The following SERGEF variants were observed in gnomAD, a reference collection of about 807,000 sequenced individuals.
SERGEF encodes the protein secretion-regulating guanine nucleotide exchange factor.
In SERGEF, 51 loss-of-function variants were observed where a neutral mutation model predicts 50.0. The ratio of observed to expected loss-of-function variants is 1.02; its 90% confidence interval spans 0.81 to 1.29. SERGEF has a LOEUF of 1.29. SERGEF is among the 50% of genes most tolerant of loss of function. The pLI is 0.00. For synonymous variants in SERGEF, 205 were observed against 212.4 expected (o/e 0.97, Z 0.30); for missense variants, 521 against 557.0 (o/e 0.94, Z 0.65).
intron 9 of SERGEF, among the ~76,000 whole-genome samples, chr11:17,900,394 A>G (rs1451281400): frequency 1.3e-5 from 2 of 152,236 alleles, no homozygotes; most frequent in Non-Finnish European, 2.9e-5. Context: ...CCCACAAAAC[A>G]TCAATCTCGG....
chr11:17,950,247 C>G (rs149572598), intron 9 of SERGEF, among the ~76,000 whole-genome samples: 2 of 152,212 alleles, frequency 1.3e-5, no homozygotes, highest in African/African-American at 4.8e-5. Flanking sequence ...TGAACAAGGC[C>G]AACAACAGTC....
chr11:18,001,485 G>A (rs999838783), intron 4 of SERGEF, among the ~76,000 whole-genome samples: 5 of 152,174 alleles, frequency 3.3e-5, no homozygotes, highest in African/African-American at 4.8e-5. Context: ...GGTCCACATG[G>A]CAAGGAACAT....
In SERGEF at chr11:17,788,062, G is replaced by T. The variant is rs1849416189; in HGVS notation, c.*23C>A. 6.7e-7 allele frequency: 1 copy of T among 1,496,198 alleles called. No homozygotes were observed. The highest frequency in any genetic ancestry group is 8.9e-7 in the Non-Finnish European group (1 of 1,117,996). 92.7% of individuals were successfully genotyped at this position (1,496,198 alleles called of 1,614,324 possible). On this transcript the variant is annotated 3_prime_UTR_variant, in exon 11 of 11. Coordinates refer to ENST00000265965, the MANE Select transcript of SERGEF (RefSeq NM_012139.4). ...TCTGGGAAGGCTTTTGGTGGGAAAA[G>T]CCACTTTATTAAAGATTCTCTATCA...
intron 10 of SERGEF, among the ~76,000 whole-genome samples, chr11:17,803,103 G>A (rs1002992340): frequency 6.6e-6 from 1 of 152,240 alleles, no homozygotes; most frequent in Non-Finnish European, 1.5e-5. Context: ...CATCTACTGG[G>A]ATCACCAATC....
intron 9 of SERGEF, among the ~76,000 whole-genome samples, chr11:17,943,330 C>A (rs1255605080): frequency 6.6e-6 from 1 of 152,064 alleles, no homozygotes; most frequent in African/African-American, 2.4e-5. Context: ...AAAAATTAAT[C>A]CATTTTATCT....
In SERGEF at chr11:18,006,763, C is replaced by T; in HGVS notation, c.197-17G>A. The T allele has an allele frequency of 6.2e-7, 1 of 1,613,662 alleles. No homozygotes were observed. The highest frequency in any genetic ancestry group is 8.5e-7 in the Non-Finnish European group (1 of 1,179,832). On this transcript the variant is annotated splice_polypyrimidine_tract_variant and intron_variant, in intron 2 of 10. Coordinates refer to ENST00000265965, the MANE Select transcript of SERGEF (RefSeq NM_012139.4). ...CTCCTCCATCTGCAAAATATAAAGG[C>T]ATCAGTGATAGCGTGCACAGGAAAA...
intron 9 of SERGEF, among the ~76,000 whole-genome samples, chr11:17,903,119 A>G (rs1346524910): frequency 2.0e-5 from 3 of 152,250 alleles, no homozygotes; most frequent in South Asian, 2.1e-4. Context: ...GTTAAGTACA[A>G]TAACAGTATC....
chr11:18,004,116 T>C (rs943411032), intron 4 of SERGEF, among the ~76,000 whole-genome samples: 2 of 152,240 alleles, frequency 1.3e-5, no homozygotes, highest in African/African-American at 4.8e-5. Flanking sequence ...AAATCACTTC[T>C]ATCTGGACCT....
At chr11:17,820,134 G>A (rs1185132302) in intron 10 of SERGEF, among the ~76,000 whole-genome samples, 3 of 152,032 alleles carry the variant, frequency 2.0e-5, no homozygotes, top group African/African-American at 7.2e-5. Flanking sequence ...ATGAGCCACT[G>A]CACCTGGCCC....
intron 9 of SERGEF, among the ~76,000 whole-genome samples, chr11:17,941,451 A>G (rs1852561406): frequency 6.6e-6 from 1 of 152,170 alleles, no homozygotes; most frequent in Admixed American, 6.5e-5. Flanking sequence ...ATGTTGTAGT[A>G]TATGTCAGGA....
At chr11:17,864,234 G>A (rs1850981398) in intron 10 of SERGEF, among the ~76,000 whole-genome samples, 1 of 152,246 alleles carries the variant, frequency 6.6e-6, no homozygotes, top group Non-Finnish European at 1.5e-5. Context: ...AAGGACCAGA[G>A]CATTGTGCTA....
At chr11:18,007,624 C>T (rs1344138497) in intron 2 of SERGEF, among the ~76,000 whole-genome samples, 1 of 152,078 alleles carries the variant, frequency 6.6e-6, no homozygotes, top group Admixed American at 6.6e-5. Flanking sequence ...ACTTCTAATT[C>T]CTATGGTGTA....
chr11:17,992,622 G>A (rs759095493), intron 7 of SERGEF, among the ~76,000 whole-genome samples: 1 of 152,174 alleles, frequency 6.6e-6, no homozygotes, highest in Non-Finnish European at 1.5e-5. Flanking sequence ...TACCCTGAGA[G>A]GAAGACATTA....
Position 17,884,810 on chromosome 11 carries a change from T to C in SERGEF, c.1012-6566A>G, listed in dbSNP as rs1315625879. Among the ~76,000 whole-genome samples the C allele has an allele frequency of 6.6e-6, 1 of 152,194 alleles. No individual in the cohort carries two copies. The highest frequency in any genetic ancestry group is 2.4e-5 in the African/African-American group (1 of 41,442). On this transcript the variant is annotated intron_variant, in intron 9 of 10. Transcript: ENST00000265965. This position sits in a 1 kb window ranked among gnomAD's most constrained non-coding sequence, Gnocchi z 4.6. ...GAGCTTGAACTAGGTTCTGCTATCTTCCAGAGAAGTTGGGGTGAGAAGAAG... is the reference window on the plus strand; with the variant it reads ...GAGCTTGAACTAGGTTCTGCTATCTCCCAGAGAAGTTGGGGTGAGAAGAAG...
chr11:17,917,005 T>C (rs1320621244), intron 9 of SERGEF, among the ~76,000 whole-genome samples: 1 of 152,230 alleles, frequency 6.6e-6, no homozygotes, highest in Non-Finnish European at 1.5e-5. Context: ...GGAAACAGTG[T>C]GGAGATTCCT....
At chr11:17,913,135 T>C (rs59573120) in intron 9 of SERGEF, among the ~76,000 whole-genome samples, 50,012 of 152,160 alleles carry the variant, frequency 0.33, 9,190 homozygotes, top group East Asian at 0.5. Flanking sequence ...GGGTAGTATA[T>C]GACCCTGGGG....
chr11:17,962,329 T>C (rs1853021089), intron 8 of SERGEF, among the ~76,000 whole-genome samples: 1 of 152,088 alleles, frequency 6.6e-6, no homozygotes, highest in African/African-American at 2.4e-5. Context: ...GATGATTTTA[T>C]GTCATCTGGA....
rs1850989812 is a variant in SERGEF at position 17,864,675 on chromosome 11, G to A, written c.1048+13533C>T. On this transcript the variant is annotated intron_variant, in intron 10 of 10. Coordinates refer to ENST00000265965, the MANE Select transcript of SERGEF (RefSeq NM_012139.4). Reference sequence around the variant, plus strand: ...TGAGAAAGGCAAGATCTGGGACAGAGCACTGGTAACCAAGAGAGCTAAAAA... The same window carrying A: ...TGAGAAAGGCAAGATCTGGGACAGAACACTGGTAACCAAGAGAGCTAAAAA... Among the ~76,000 whole-genome samples the A allele has an allele frequency of 2.0e-5, 3 of 152,192 alleles. No individual in the cohort carries two copies. In the South Asian group the frequency reaches 6.2e-4, roughly 32 times the overall value.
intron 10 of SERGEF, among the ~76,000 whole-genome samples, chr11:17,812,031 G>C (rs965974815): frequency 6.6e-6 from 1 of 152,162 alleles, no homozygotes; most frequent in Non-Finnish European, 1.5e-5. Flanking sequence ...GCAGAGAAAA[G>C]GTCTGCCCAC....
Sources: allele counts gnomAD v4.1 joint callset (sites outside exome capture counted in the v4.1 genomes callset), GRCh38; gene constraint gnomAD v4.1.1; non-coding constraint Gnocchi (gnomAD v3.1); transcripts MANE v1.5; gene names NCBI Gene and HGNC (gene_info 2026-07-23, HGNC 2026-07-21).